PLCL2: variants seen among roughly 807,000 people sequenced by gnomAD.
PLCL2 encodes inactive phospholipase C-like protein 2.
Under a neutral mutation model 79.6 loss-of-function variants are expected in PLCL2, and 4 were observed. The observed-to-expected ratio is 0.05, with a 90% CI of 0.02 to 0.11. PLCL2 has a LOEUF of 0.11. Among genes scored for constraint, PLCL2 ranks in the 10% least tolerant of loss-of-function variants. The probability of loss-of-function intolerance (pLI) is 1.00; values close to 1 mark genes in which losing one functional copy is unlikely to be tolerated. For synonymous variants in PLCL2, 484 were observed against 457.7 expected, an observed-to-expected ratio of 1.06 and a Z score of -0.73; for missense variants, 895 against 1,291.0, an observed-to-expected ratio of 0.69 and a Z score of 4.70.
rs558400092 is a variant in PLCL2, at chr3:16,937,585, C to T, written c.327+52219C>T. Among the ~76,000 whole-genome samples the T allele has an allele frequency of 2.8e-4, 42 of 152,336 alleles. 1 individual carries two copies. The highest frequency in any genetic ancestry group is 6.8e-3 in the Middle Eastern group (2 of 294). On this transcript the variant is annotated intron_variant, in intron 1 of 5. Coordinates refer to ENST00000615277, the MANE Select transcript of PLCL2 (RefSeq NM_001144382.2). Reference sequence around the variant, plus strand: ...GCTGGCCGCATAAGATTTGCTGTTGCGGCTTTCTATGGATGGTTGACCAAT... The same window carrying T: ...GCTGGCCGCATAAGATTTGCTGTTGTGGCTTTCTATGGATGGTTGACCAAT...
At position 17,003,033 on chromosome 3, in the gene PLCL2, T is replaced by C. The variant is rs535644372; in HGVS notation, c.328-6641T>C. Reference sequence around the variant, plus strand: ...ACTTTTTCCACTAGATCTTTTAACATATTAATCATAGTTGTTTTAATCTTC... The same window carrying C: ...ACTTTTTCCACTAGATCTTTTAACACATTAATCATAGTTGTTTTAATCTTC... On this transcript the variant is annotated intron_variant, in intron 1 of 5. Coordinates refer to ENST00000615277, the MANE Select transcript of PLCL2 (RefSeq NM_001144382.2). Among the ~76,000 whole-genome samples the C allele has an allele frequency of 5.3e-5, 8 of 152,314 alleles. No individual in the cohort carries two copies. The South Asian group carries it at 1.7e-3, about 32-fold the overall frequency.
intron 1 of PLCL2, among the ~76,000 whole-genome samples, chr3:16,958,070 TATG>T (rs923801540): frequency 6.6e-6 from 1 of 152,212 alleles, no homozygotes; most frequent in African/African-American, 2.4e-5. Flanking sequence ...ATCCTGTCAT[TATG>T]ATGTTAGCTG....
chr3:16,960,632 AC>A, intron 1 of PLCL2, among the ~76,000 whole-genome samples: 1 of 152,192 alleles, frequency 6.6e-6, no homozygotes, highest in Admixed American at 6.5e-5. Context: ...AGTCCTACCC[AC>A]CTTTCAAGGA....
At chr3:16,919,799 T>A (rs1697080600) in intron 1 of PLCL2, among the ~76,000 whole-genome samples, 2 of 152,146 alleles carry the variant, frequency 1.3e-5, no homozygotes, top group South Asian at 4.1e-4. Flanking sequence ...CCTGAGGTAT[T>A]GGCACATGCA....
chr3:16,891,492 A>G (rs546223146), intron 1 of PLCL2, among the ~76,000 whole-genome samples: 25 of 152,306 alleles, frequency 1.6e-4, no homozygotes, highest in African/African-American at 5.8e-4. Flanking sequence ...TTTCTCAGGC[A>G]TGTTCCATAA....
intron 4 of PLCL2, among the ~76,000 whole-genome samples, chr3:17,044,960 C>G (rs1249173629): frequency 6.6e-6 from 1 of 152,074 alleles, no homozygotes; most frequent in East Asian, 1.9e-4. Flanking sequence ...TCAAGTTGCT[C>G]TGGGTTTAAA....
intron 3 of PLCL2, among the ~76,000 whole-genome samples, chr3:17,022,327 T>C (rs1397534944): frequency 6.6e-6 from 1 of 152,198 alleles, no homozygotes; most frequent in South Asian, 2.1e-4. Flanking sequence ...AGTTACTTCC[T>C]ATGTTCCCAT....
chr3:17,075,389 C>G (rs542078345), intron 5 of PLCL2, among the ~76,000 whole-genome samples: 8 of 152,054 alleles, frequency 5.3e-5, no homozygotes, highest in Non-Finnish European at 1.2e-4. Flanking sequence ...GACCACCAAT[C>G]ACAAATCACA....
At chr3:16,941,480 C>T (rs1398700253) in intron 1 of PLCL2, among the ~76,000 whole-genome samples, 1 of 152,188 alleles carries the variant, frequency 6.6e-6, no homozygotes, top group Admixed American at 6.6e-5. Flanking sequence ...GTGACAGTCA[C>T]GACGCCCCTG....
intron 1 of PLCL2, among the ~76,000 whole-genome samples, chr3:16,933,585 A>G (rs1697462594): frequency 2.0e-5 from 3 of 151,952 alleles, no homozygotes; most frequent in African/African-American, 4.8e-5. Flanking sequence ...TTTTTCATAC[A>G]CTGTAGCAGC....
chr3:17,033,274 G>T (rs1427345705), intron 3 of PLCL2, among the ~76,000 whole-genome samples: 1 of 152,046 alleles, frequency 6.6e-6, no homozygotes, highest in Non-Finnish European at 1.5e-5. Context: ...ATAGCATTTG[G>T]CATCTGTTCT....
At chr3:16,905,409 A>G (rs1696727580) in intron 1 of PLCL2, among the ~76,000 whole-genome samples, 1 of 152,234 alleles carries the variant, frequency 6.6e-6, no homozygotes, top group Non-Finnish European at 1.5e-5. Context: ...CAACCTCTGT[A>G]TCAAACCAAA....
At chr3:16,983,669 C>G (rs900957451) in intron 1 of PLCL2, among the ~76,000 whole-genome samples, 1 of 152,124 alleles carries the variant, frequency 6.6e-6, no homozygotes, top group African/African-American at 2.4e-5. Context: ...TGCTCTAACT[C>G]TAACCAAATG....
At chr3:17,038,034 G>A (rs1575599102) in intron 3 of PLCL2, among the ~76,000 whole-genome samples, 1 of 151,962 alleles carries the variant, frequency 6.6e-6, no homozygotes, top group Admixed American at 6.6e-5. Context: ...AGGCATATCT[G>A]GTTTCTTTCC....
At chr3:16,957,105 T>C (rs1486941650) in intron 1 of PLCL2, among the ~76,000 whole-genome samples, 1 of 152,178 alleles carries the variant, frequency 6.6e-6, no homozygotes, top group Non-Finnish European at 1.5e-5. Context: ...TTTCTAGTTC[T>C]TTTAATTGTG....
intron 1 of PLCL2, among the ~76,000 whole-genome samples, chr3:16,921,759 ATCTT>A (rs1168731911): frequency 6.6e-6 from 1 of 152,138 alleles, no homozygotes; most frequent in Non-Finnish European, 1.5e-5. Context: ...TTTTAACATG[ATCTT>A]TATAACCACC....
chr3:16,980,741 G>A (rs1251170674), intron 1 of PLCL2, among the ~76,000 whole-genome samples: 3 of 152,210 alleles, frequency 2.0e-5, no homozygotes, highest in Non-Finnish European at 2.9e-5. Flanking sequence ...GGTGGCGGCC[G>A]GGCAGAGGCT....
At chr3:16,909,662 AC>A (rs1696829763) in intron 1 of PLCL2, among the ~76,000 whole-genome samples, 1 of 152,170 alleles carries the variant, frequency 6.6e-6, no homozygotes, top group Admixed American at 6.5e-5. Context: ...ATATTCTGTA[AC>A]TTCCTTTCTA....
chr3:17,090,108 G>C lies in PLCL2; in HGVS notation c.*196G>C, dbSNP rs1241180100. 2.3e-6 allele frequency: 3 copies of C among 1,289,988 alleles called. No individual in the cohort carries two copies. The African/African-American group carries it at 4.5e-5, about 19-fold the overall frequency. 79.9% of individuals were successfully genotyped at this position (1,289,988 alleles called of 1,614,324 possible). A position where few individuals can be genotyped will look rare whatever the true frequency, so the allele number is the denominator to read the frequency against. ...GTGAAGGCAAATAAACTCTTTAACA[G>C]GCAATTATATTGCTGGCCAAAATAT... On this transcript the variant is annotated 3_prime_UTR_variant, in exon 6 of 6. Transcript: ENST00000615277.
Sources: gnomAD v4.1 joint callset for allele counts (sites outside exome capture counted in the v4.1 genomes callset) on GRCh38, gnomAD v4.1.1 for gene constraint, MANE v1.5 for transcripts, NCBI Gene and HGNC (gene_info 2026-07-23, HGNC 2026-07-21) for gene names.